The following P2RX4 variants were observed in gnomAD, a reference collection of about 807,000 sequenced individuals.
The protein encoded by P2RX4 is P2X purinoceptor 4.
P2RX4 carries 37 observed loss-of-function variants against 48.0 expected under a neutral mutation model. The observed-to-expected ratio is 0.77, with a 90% CI of 0.59 to 1.01. P2RX4 has a LOEUF of 1.01. P2RX4 is among the 50% of genes least tolerant of loss of function. The pLI is 0.00. For missense variants in P2RX4, 501 were observed against 521.4 expected (o/e 0.96, Z 0.38); for synonymous variants, 200 against 199.7 (o/e 1.00, Z -0.01).
chr12:121,218,174 C>T (rs576246972), intron 2 of P2RX4, among the ~76,000 whole-genome samples: 1 of 151,984 alleles, frequency 6.6e-6, no homozygotes, highest in Admixed American at 6.6e-5. Flanking sequence ...GAGAGGAGAC[C>T]GAGCTAATGA....
At position 121,232,933 on chromosome 12, in the gene P2RX4, A is replaced by C; in HGVS notation, c.1045-64A>C. On this transcript the variant is annotated intron_variant, in intron 10 of 11. Transcript: ENST00000337233. The surrounding 1 kb of genome is among the most constrained non-coding windows in gnomAD (Gnocchi z 4.3). Reference sequence around the variant, plus strand: ...CAGGCTTCTCAGGAAGGGGCACGCAAAGAATAAGATGGGTTGATGGGTTGC... The same window carrying C: ...CAGGCTTCTCAGGAAGGGGCACGCACAGAATAAGATGGGTTGATGGGTTGC... 8.6e-7 allele frequency: 1 copy of C among 1,166,520 alleles called. No homozygotes were observed. The highest frequency in any genetic ancestry group is 1.3e-6 in the Non-Finnish European group (1 of 773,020). 72.3% of individuals were successfully genotyped at this position (1,166,520 alleles called of 1,614,324 possible). A position where few individuals can be genotyped will look rare whatever the true frequency, so the allele number is the denominator to read the frequency against.
At chr12:121,213,839 G>C (rs982468936) in intron 1 of P2RX4, 6 of 152,210 alleles carry the variant, frequency 3.9e-5, no homozygotes, top group African/African-American at 1.2e-4. Context: ...GGGATTACAG[G>C]CATGAGCCAC....
At chr12:121,227,531 C>T (rs2668235) in intron 5 of P2RX4, among the ~76,000 whole-genome samples, 54,149 of 152,076 alleles carry the variant, frequency 0.36, 9,915 homozygotes, top group South Asian at 0.4. Flanking sequence ...CCTTCATTCT[C>T]TCCCTGGAGA....
intron 2 of P2RX4, among the ~76,000 whole-genome samples, chr12:121,218,837 G>A (rs920716247): frequency 1.3e-5 from 2 of 152,110 alleles, no homozygotes; most frequent in African/African-American, 4.8e-5. Context: ...TCTCCAGACT[G>A]AAATTACCCT....
intron 1 of P2RX4, chr12:121,216,871 G>A (rs948135148): frequency 8.8e-6 from 6 of 680,066 alleles, no homozygotes; most frequent in Middle Eastern, 5.9e-4. Flanking sequence ...AGTATTCATC[G>A]AGCGTTTTCT....
At chr12:121,228,352 A>G (rs1224217929) in intron 5 of P2RX4, among the ~76,000 whole-genome samples, 181 bp from the exon 6 acceptor site, 1 of 140,862 alleles carries the variant, frequency 7.1e-6, no homozygotes, top group Non-Finnish European at 1.5e-5. Context: ...TCGAGGTGAC[A>G]GAGTGACTCC....
At position 121,229,162 on chromosome 12, in the gene P2RX4, A is replaced by G. The variant is rs1887190265; in HGVS notation, c.884+63A>G. On this transcript the variant is annotated intron_variant, in intron 8 of 11. Transcript: ENST00000337233. The surrounding 1 kb of genome is among the most constrained non-coding windows in gnomAD (Gnocchi z 4.6). ...GGGTGCTGGTGGCTGCGTACGTGCC[A>G]GTGGGCCGCCCACTGAAGACCAGCA... The G allele has an allele frequency of 1.9e-6, 3 of 1,598,082 alleles. No individual in the cohort carries two copies. The highest frequency in any genetic ancestry group is 2.6e-6 in the Non-Finnish European group (3 of 1,166,736).
At chr12:121,231,116 T>C (rs1416553445) in intron 8 of P2RX4, among the ~76,000 whole-genome samples, 3 of 151,512 alleles carry the variant, frequency 2.0e-5, no homozygotes, top group Non-Finnish European at 4.4e-5. Context: ...GCCGCCTGAG[T>C]AGCTGGGATT....
At chr12:121,221,640 G>A (rs144440435) in intron 2 of P2RX4, among the ~76,000 whole-genome samples, 1,958 of 152,090 alleles carry the variant, frequency 0.013, 45 homozygotes, top group African/African-American at 0.044. Context: ...TGATCCGCCC[G>A]CCTCAGCCTC....
At chr12:121,214,487 A>G (rs975480497) in intron 1 of P2RX4, 2 of 152,160 alleles carry the variant, frequency 1.3e-5, no homozygotes, top group African/African-American at 4.8e-5. Flanking sequence ...ATTCTCATCT[A>G]TCTAACTCTG....
intron 1 of P2RX4, among the ~76,000 whole-genome samples, chr12:121,210,783 AAAAT>A (rs1413510358): frequency 6.6e-6 from 1 of 152,124 alleles, no homozygotes; most frequent in African/African-American, 2.4e-5. Flanking sequence ...GTCTGTTTAC[AAAAT>A]AAATAAAGGC....
intron 2 of P2RX4, among the ~76,000 whole-genome samples, chr12:121,219,607 GGATGGATGGATA>G (rs1464342872): frequency 2.5e-5 from 3 of 119,266 alleles, no homozygotes; most frequent in Admixed American, 9.5e-5. Flanking sequence ...ATGGATGGAT[GGATGGATGGATA>G]GATAGATAGA....
In P2RX4 at chr12:121,232,752, G is replaced by T. The variant is rs1375261378; in HGVS notation, c.1044+76G>T. The T allele has an allele frequency of 2.4e-6, 3 of 1,241,718 alleles. No homozygotes were observed. The highest frequency in any genetic ancestry group is 3.6e-6 in the Non-Finnish European group (3 of 844,236). The allele number at this position is 1,241,718 out of a possible 1,614,324, so 76.9% of individuals were successfully genotyped here. On this transcript the variant is annotated intron_variant, in intron 10 of 11. Transcript: ENST00000337233. The surrounding 1 kb of genome is among the most constrained non-coding windows in gnomAD (Gnocchi z 4.3). ...GCTGGGGTCCTGGTCCTGGCCCTAG[G>T]CCCTAGACCTCAGATGTGTTTCTAA...
At chr12:121,228,379 AAAAAAAAT>A (rs1887109837) in intron 5 of P2RX4, among the ~76,000 whole-genome samples, 146 bp from the exon 6 acceptor site, 2 of 127,072 alleles carry the variant, frequency 1.6e-5, no homozygotes, top group African/African-American at 5.6e-5. Flanking sequence ...AAAAAAAAAA[AAAAAAAAT>A]ATATATATAT....
intron 5 of P2RX4, among the ~76,000 whole-genome samples, chr12:121,226,386 A>T (rs949205284): frequency 6.6e-6 from 1 of 151,866 alleles, no homozygotes; most frequent in South Asian, 2.1e-4. Flanking sequence ...TCTACTAAAA[A>T]TATAAAAATT....
chr12:121,227,067 C>G (rs1287173203), intron 5 of P2RX4, among the ~76,000 whole-genome samples: 1 of 151,478 alleles, frequency 6.6e-6, no homozygotes, highest in African/African-American at 2.4e-5. Context: ...GAGATCGCGG[C>G]ATTGCACTCC....
chr12:121,226,215 C>T (rs868164979), intron 5 of P2RX4, among the ~76,000 whole-genome samples: 9 of 151,980 alleles, frequency 5.9e-5, no homozygotes, highest in Admixed American at 2.6e-4. Context: ...AGATCTAATG[C>T]GGTGTAAAAT....
rs570360344 is a variant in P2RX4, at chr12:121,223,709, C to T, written c.524+666C>T. On this transcript the variant is annotated intron_variant, in intron 5 of 11. Transcript: ENST00000337233. ...ACATACACACATACACATGCGTGCA[C>T]AGCGGGGGGGCAGTGTATTGTCCGG... 9.8e-5 allele frequency among the ~76,000 whole-genome samples: 15 copies of T among 152,326 alleles called. 1 individual carries two copies. The highest frequency in any genetic ancestry group is 9.8e-4 in the Admixed American group (15 of 15,298).
At chr12:121,233,266 C>G (rs1450033352) in intron 11 of P2RX4, 174 bp downstream of exon 11, 7 of 640,120 alleles carry the variant, frequency 1.1e-5, no homozygotes, top group Non-Finnish European at 2.8e-6. Flanking sequence ...ATCCCTAGGC[C>G]CCTGTACTAG....
Sources: gnomAD v4.1 joint callset for allele counts (sites outside exome capture counted in the v4.1 genomes callset) on GRCh38, gnomAD v4.1.1 for gene constraint, Gnocchi (gnomAD v3.1) non-coding constraint, MANE v1.5 for transcripts, NCBI Gene and HGNC (gene_info 2026-07-23, HGNC 2026-07-21) for gene names.